Variants in ATP8A1 observed in about 807,000 individuals in gnomAD.
ATP8A1 encodes ATPase phospholipid transporting 8A1, also known as phospholipid-transporting ATPase IA.
Under a neutral mutation model 177.7 loss-of-function variants are expected in ATP8A1, and 90 were observed. The ratio of observed to expected loss-of-function variants is 0.51; its 90% CI spans 0.43 to 0.60. ATP8A1 has a LOEUF of 0.60. ATP8A1 is among the 20% of genes least tolerant of loss of function. ATP8A1 has a pLI of 0.00. For synonymous variants in ATP8A1, 493 were observed against 485.9 expected, an observed-to-expected ratio of 1.01 and a Z score of -0.19; for missense variants, 1,072 against 1,392.8, an observed-to-expected ratio of 0.77 and a Z score of 3.67.
chr4:42,653,333 G>A (rs1032783630), intron 1 of ATP8A1, among the ~76,000 whole-genome samples: 1 of 26,986 alleles, frequency 3.7e-5, no homozygotes, highest in Non-Finnish European at 6.4e-5. Context: ...AGCATATTTT[G>A]TGTGTGTTTT....
intron 21 of ATP8A1, among the ~76,000 whole-genome samples, chr4:42,524,000 CAGAT>C (rs1156381621): frequency 6.6e-6 from 1 of 152,124 alleles, no homozygotes; most frequent in Non-Finnish European, 1.5e-5. Context: ...CCAGCTGAAA[CAGAT>C]AGGAGTGAAA....
intron 4 of ATP8A1, among the ~76,000 whole-genome samples, chr4:42,617,063 T>C (rs1014460975): frequency 6.6e-6 from 1 of 152,198 alleles, no homozygotes; most frequent in African/African-American, 2.4e-5. Context: ...TTGGAACAAA[T>C]GTAAAACAAA....
intron 1 of ATP8A1, among the ~76,000 whole-genome samples, chr4:42,654,603 T>C (rs568028058): frequency 6.6e-6 from 1 of 152,328 alleles, no homozygotes; most frequent in African/African-American, 2.4e-5. Flanking sequence ...TGACTTATTA[T>C]GGCCACCCAT....
At chr4:42,464,845 A>G (rs774130351) in intron 26 of ATP8A1, 45 bp from the exon 27 acceptor site, 2 of 1,612,292 alleles carry the variant, frequency 1.2e-6, no homozygotes, top group South Asian at 2.2e-5. Context: ...TTTTCAAAGC[A>G]TCAGTTGACT....
intron 1 of ATP8A1, among the ~76,000 whole-genome samples, chr4:42,629,211 GC>G (rs1157837779): frequency 6.6e-6 from 1 of 152,146 alleles, no homozygotes; most frequent in Non-Finnish European, 1.5e-5. Context: ...ATTAGTAGGG[GC>G]CCAACCTAGG....
chr4:42,417,671 T>C lies in ATP8A1; in HGVS notation c.3306-2953A>G, dbSNP rs556663902. On this transcript the variant is annotated intron_variant, in intron 35 of 36. Coordinates refer to ENST00000381668, the MANE Select transcript of ATP8A1 (RefSeq NM_006095.2). Reference sequence around the variant, plus strand: ...ACGTGTTGTCTTAAGGAATTTTCAGTGGGAAACTTGAAGAGGAATAAATTT... The same window carrying C: ...ACGTGTTGTCTTAAGGAATTTTCAGCGGGAAACTTGAAGAGGAATAAATTT... Among the ~76,000 whole-genome samples the C allele has an allele frequency of 2.0e-5, 3 of 152,314 alleles. No homozygotes were observed. The East Asian group carries it at 5.8e-4, about 29-fold the overall frequency.
At chr4:42,416,252 C>T (rs1332822029) in intron 35 of ATP8A1, among the ~76,000 whole-genome samples, 1 of 152,058 alleles carries the variant, frequency 6.6e-6, no homozygotes, top group African/African-American at 2.4e-5. Context: ...CTTAGCAGAG[C>T]CTTGTGGATG....
intron 24 of ATP8A1, among the ~76,000 whole-genome samples, chr4:42,497,500 G>C (rs1484282287): frequency 2.0e-5 from 3 of 152,150 alleles, no homozygotes; most frequent in Non-Finnish European, 4.4e-5. Context: ...GGGAGCTCTT[G>C]GAAGAGTTCA....
intron 25 of ATP8A1, 117 bp downstream of exon 25, chr4:42,485,379 C>T (rs1441980735): frequency 3.4e-5 from 31 of 916,524 alleles, no homozygotes; most frequent in Non-Finnish European, 4.4e-5. Flanking sequence ...TGAGTGAACA[C>T]ATTAGTAAGT....
intron 4 of ATP8A1, among the ~76,000 whole-genome samples, chr4:42,623,009 CAA>C (rs200111147): frequency 4.3e-5 from 5 of 116,128 alleles, no homozygotes; most frequent in East Asian, 2.3e-4. Flanking sequence ...AACTCTGTCT[CAA>C]AAAAAAAAAA....
intron 33 of ATP8A1, among the ~76,000 whole-genome samples, chr4:42,436,753 C>T (rs1276426812): frequency 6.6e-6 from 1 of 152,162 alleles, no homozygotes; most frequent in African/African-American, 2.4e-5. Flanking sequence ...TAACACTGCC[C>T]CACCTCAGCA....
intron 15 of ATP8A1, among the ~76,000 whole-genome samples, chr4:42,567,566 T>C (rs1416033646): frequency 6.6e-6 from 1 of 152,190 alleles, no homozygotes; most frequent in Non-Finnish European, 1.5e-5. Flanking sequence ...ACTGTAACGG[T>C]AGTGAAAGCC....
At chr4:42,557,012 C>T (rs774564604) in intron 15 of ATP8A1, among the ~76,000 whole-genome samples, 39 of 152,000 alleles carry the variant, frequency 2.6e-4, no homozygotes, top group African/African-American at 7.5e-4. Context: ...CTTGACAGGA[C>T]GGAAAACTCT....
chr4:42,497,374 T>C (rs572039081), intron 24 of ATP8A1, among the ~76,000 whole-genome samples: 2 of 152,142 alleles, frequency 1.3e-5, no homozygotes, highest in Non-Finnish European at 2.9e-5. Context: ...GTGGCAGAGA[T>C]GCAAAGAGGG....
In ATP8A1 at chr4:42,519,681, T is replaced by C. The variant is rs374092881; in HGVS notation, c.1947+2479A>G. Among the ~76,000 whole-genome samples, 5 of 152,146 alleles carry C rather than the reference T, an allele frequency of 3.3e-5. No homozygotes were observed. In the East Asian group the frequency reaches 5.8e-4, roughly 18 times the overall value. ...CCAAATGAAGCTCCAGTTTCAGGAGTAGAGATGGACACAGAATCAGTCTTC... is the reference window on the plus strand; with the variant it reads ...CCAAATGAAGCTCCAGTTTCAGGAGCAGAGATGGACACAGAATCAGTCTTC... On this transcript the variant is annotated intron_variant, in intron 22 of 36. Transcript: ENST00000381668.
intron 1 of ATP8A1, among the ~76,000 whole-genome samples, chr4:42,641,421 A>G (rs558971783): frequency 2.0e-5 from 3 of 152,246 alleles, no homozygotes; most frequent in Non-Finnish European, 4.4e-5. Flanking sequence ...TATTCAAGCC[A>G]TATCAGTTAC....
intron 1 of ATP8A1, among the ~76,000 whole-genome samples, chr4:42,639,156 T>C (rs113437832): frequency 6.6e-6 from 1 of 151,620 alleles, no homozygotes; most frequent in Non-Finnish European, 1.5e-5. Context: ...TCAGGGAGGG[T>C]TGAAGGAGTT....
intron 25 of ATP8A1, among the ~76,000 whole-genome samples, chr4:42,482,334 C>CAAAAA (rs11445014): frequency 2.1e-5 from 3 of 145,074 alleles, no homozygotes; most frequent in Non-Finnish European, 3.0e-5. Context: ...AACAAACAAA[C>CAAAAA]AAAAAAAAAA....
chr4:42,524,496 T>A (rs1042034725), intron 21 of ATP8A1, among the ~76,000 whole-genome samples: 2 of 151,838 alleles, frequency 1.3e-5, no homozygotes, highest in Non-Finnish European at 2.9e-5. Flanking sequence ...AAATGGTAAA[T>A]ATGATCCACT....
Sources: gnomAD v4.1 joint callset for allele counts (sites outside exome capture counted in the v4.1 genomes callset) on GRCh38, gnomAD v4.1.1 for gene constraint, MANE v1.5 for transcripts, NCBI Gene and HGNC (gene_info 2026-07-23, HGNC 2026-07-21) for gene names.